Variants in COL25A1 observed in about 807,000 individuals in gnomAD.
COL25A1 encodes the protein collagen alpha-1(XXV) chain.
COL25A1 carries 103 observed loss-of-function variants against 128.4 expected under a neutral mutation model. The observed-to-expected ratio is 0.80, with a 90% CI of 0.68 to 0.94. COL25A1 has a LOEUF of 0.94. COL25A1 is among the 40% of genes least tolerant of loss of function. COL25A1 has a pLI of 0.00. For missense variants in COL25A1, 745 were observed against 840.0 expected, an observed-to-expected ratio of 0.89 and a Z score of 1.40; for synonymous variants, 279 against 277.2, an observed-to-expected ratio of 1.01 and a Z score of -0.06.
chr4:109,071,651 A>C (rs1490196489), intron 3 of COL25A1, among the ~76,000 whole-genome samples: 1 of 152,230 alleles, frequency 6.6e-6, no homozygotes, highest in South Asian at 2.1e-4. Context: ...ATGAACAGAC[A>C]CTTCTCAAAA....
chr4:109,030,367 A>T (rs1417695077), intron 5 of COL25A1, among the ~76,000 whole-genome samples: 1 of 152,174 alleles, frequency 6.6e-6, no homozygotes. Flanking sequence ...ACTTTGGCTC[A>T]GCACTGGCCA....
chr4:108,884,864 T>C (rs981788342), intron 18 of COL25A1, among the ~76,000 whole-genome samples: 7 of 152,148 alleles, frequency 4.6e-5, no homozygotes, highest in Admixed American at 1.3e-4. Flanking sequence ...GAATACAGGT[T>C]TGAGATTAAG....
intron 3 of COL25A1, among the ~76,000 whole-genome samples, chr4:109,176,819 C>A (rs931727893): frequency 4.6e-5 from 7 of 151,980 alleles, no homozygotes; most frequent in African/African-American, 1.5e-4. Context: ...GAGAAGGCCA[C>A]GTGAAGAGAG....
rs1321698603 is a variant in COL25A1, at chr4:109,021,815, T to C, written c.421-11440A>G. 3 of 450,432 alleles carry C rather than the reference T, an allele frequency of 6.7e-6. No individual in the cohort carries two copies. The East Asian group carries it at 2.1e-4, about 31-fold the overall frequency. 27.9% of individuals were successfully genotyped at this position (450,432 alleles called of 1,614,324 possible). ...ACCACCGCTCTGGGAGTGTCTGTCC[T>C]ATGCGGTTGAGATAAGGACTGAGAT... is the stretch of plus-strand genomic sequence containing the variant. On this transcript the variant is annotated intron_variant, in intron 5 of 37. Coordinates refer to ENST00000399132, the MANE Select transcript of COL25A1 (RefSeq NM_198721.4).
intron 3 of COL25A1, among the ~76,000 whole-genome samples, chr4:109,225,798 CACAT>C (rs1477346077): frequency 1.4e-4 from 22 of 151,950 alleles, no homozygotes; most frequent in African/African-American, 3.1e-4. Flanking sequence ...TACATACACA[CACAT>C]ACAATTTCAT....
At chr4:109,103,285 T>C (rs1766091140) in intron 3 of COL25A1, among the ~76,000 whole-genome samples, 2 of 152,214 alleles carry the variant, frequency 1.3e-5, no homozygotes, top group Admixed American at 6.5e-5. Context: ...TTTAAAATAA[T>C]AATTTCACAA....
In COL25A1 at chr4:108,808,876, AC is replaced by A. The variant is rs1455609558; in HGVS notation, c.*5050del. On this transcript the variant is annotated 3_prime_UTR_variant, in exon 38 of 38. Coordinates refer to ENST00000399132, the MANE Select transcript of COL25A1 (RefSeq NM_198721.4). ...AAGATCAACTTCTCACAAACTAGGA[AC>A]CCTGAAAACAAATTTAAAAAGCAAA... 3 of 152,198 alleles carry A rather than the reference AC, an allele frequency of 2.0e-5. No individual in the cohort carries two copies. The highest frequency in any genetic ancestry group is 6.5e-5 in the Admixed American group (1 of 15,278). 9.4% of individuals were successfully genotyped at this position (152,198 alleles called of 1,614,324 possible). A position where few individuals can be genotyped will look rare whatever the true frequency, so the allele number is the denominator to read the frequency against.
At chr4:108,833,339 T>C (rs897734641) in intron 31 of COL25A1, among the ~76,000 whole-genome samples, 1 of 152,220 alleles carries the variant, frequency 6.6e-6, no homozygotes, top group African/African-American at 2.4e-5. Flanking sequence ...CCAAGATGAC[T>C]TAAAGGTATA....
At chr4:109,266,872 C>T (rs1279499493) in intron 3 of COL25A1, among the ~76,000 whole-genome samples, 3 of 152,156 alleles carry the variant, frequency 2.0e-5, no homozygotes, top group Non-Finnish European at 4.4e-5. Context: ...TGCTATTGCA[C>T]TCCAAGTTAT....
intron 3 of COL25A1, among the ~76,000 whole-genome samples, chr4:109,097,836 G>T (rs1765537904): frequency 6.6e-6 from 1 of 151,514 alleles, no homozygotes; most frequent in Non-Finnish European, 1.5e-5. Context: ...GCTAATTTTT[G>T]TATTTTTAAC....
intron 5 of COL25A1, among the ~76,000 whole-genome samples, chr4:109,027,782 A>C (rs1758445328): frequency 6.6e-6 from 1 of 152,042 alleles, no homozygotes; most frequent in East Asian, 1.9e-4. Flanking sequence ...CCAAAGGTTG[A>C]CCAGAGCAAT....
At chr4:109,205,300 T>C (rs1170844991) in intron 3 of COL25A1, among the ~76,000 whole-genome samples, 2 of 152,168 alleles carry the variant, frequency 1.3e-5, no homozygotes, top group Non-Finnish European at 1.5e-5. Context: ...TATCCATTCT[T>C]TCTTGCTTGC....
chr4:108,824,781 GAT>G (rs1465376270), intron 34 of COL25A1, among the ~76,000 whole-genome samples: 1 of 152,040 alleles, frequency 6.6e-6, no homozygotes, highest in Non-Finnish European at 1.5e-5. Flanking sequence ...ATTAGCATAA[GAT>G]ATATAGGGAC....
chr4:108,866,139 A>G (rs1296115896), intron 20 of COL25A1, among the ~76,000 whole-genome samples: 1 of 152,162 alleles, frequency 6.6e-6, no homozygotes, highest in Non-Finnish European at 1.5e-5. Context: ...ATTAATGAAT[A>G]AACAGTATTA....
intron 11 of COL25A1, among the ~76,000 whole-genome samples, chr4:108,927,430 A>G (rs1746203697): frequency 6.6e-6 from 1 of 152,212 alleles, no homozygotes; most frequent in South Asian, 2.1e-4. Flanking sequence ...AATTATGTTT[A>G]GCGGCTTTCC....
intron 8 of COL25A1, among the ~76,000 whole-genome samples, chr4:108,969,648 C>T (rs746778619): frequency 4.6e-5 from 7 of 152,134 alleles, no homozygotes; most frequent in East Asian, 1.9e-4. Flanking sequence ...CCCTAACCCC[C>T]GCTGAAATTC....
intron 3 of COL25A1, among the ~76,000 whole-genome samples, chr4:109,264,798 G>A (rs1014543761): frequency 6.6e-6 from 1 of 152,144 alleles, no homozygotes; most frequent in Non-Finnish European, 1.5e-5. Context: ...TGGTTTACAA[G>A]TATCTTCAGC....
intron 3 of COL25A1, among the ~76,000 whole-genome samples, chr4:109,182,936 G>GCACA (rs139164897): frequency 2.0e-5 from 3 of 151,738 alleles, no homozygotes; most frequent in South Asian, 2.1e-4. Context: ...AGAGGTCATA[G>GCACA]CACACACACA....
At chr4:109,149,601 C>A (rs148255725) in intron 3 of COL25A1, among the ~76,000 whole-genome samples, 314 of 152,170 alleles carry the variant, frequency 2.1e-3, no homozygotes, top group Non-Finnish European at 3.7e-3. Flanking sequence ...CACTGAGATG[C>A]GAGGTTGCGA....
Sources: allele counts gnomAD v4.1 joint callset (sites outside exome capture counted in the v4.1 genomes callset), GRCh38; gene constraint gnomAD v4.1.1; transcripts MANE v1.5; gene names NCBI Gene and HGNC (gene_info 2026-07-23, HGNC 2026-07-21).